The following MROH2A variants were observed in gnomAD, a reference collection of about 807,000 sequenced individuals.
MROH2A encodes the protein maestro heat-like repeat-containing protein family member 2A.
MROH2A carries 174 observed loss-of-function variants against 200.4 expected under a neutral mutation model. That is an observed-to-expected ratio of 0.87 (90% CI 0.77 to 0.98). The LOEUF (loss-of-function observed/expected upper bound fraction) is 0.98. Among genes scored for constraint, MROH2A ranks in the 50% least tolerant of loss-of-function variants. The pLI is 0.00. For missense variants in MROH2A, 2,045 were observed against 2,139.6 expected, an observed-to-expected ratio of 0.96 and a Z score of 0.87; for synonymous variants, 829 against 840.4, an observed-to-expected ratio of 0.99 and a Z score of 0.23.
At chr2:233,791,816 C>T (rs968176216) in intron 5 of MROH2A, among the ~76,000 whole-genome samples, 11 of 151,904 alleles carry the variant, frequency 7.2e-5, no homozygotes, top group South Asian at 2.1e-4. Flanking sequence ...AAGAGCTTCA[C>T]GGCTTGCTGG....
upstream of MROH2A, among the ~76,000 whole-genome samples, chr2:233,777,096 G>A (rs560447542): frequency 6.6e-6 from 1 of 152,178 alleles, no homozygotes; most frequent in African/African-American, 2.4e-5. Context: ...ACAGACCCAC[G>A]CAGGTGACTC....
chr2:233,819,235 T>TG (rs1703764535), intron 29 of MROH2A, 82 bp from the exon 30 acceptor site: 2 of 1,363,634 alleles, frequency 1.5e-6, no homozygotes, highest in Non-Finnish European at 2.0e-6. Flanking sequence ...AGTGGGGCCA[T>TG]GGGGTGGGAC....
intron 31 of MROH2A, among the ~76,000 whole-genome samples, chr2:233,821,459 A>G (rs1490112657): frequency 6.6e-6 from 1 of 152,218 alleles, no homozygotes; most frequent in Non-Finnish European, 1.5e-5. Flanking sequence ...GTGGGTTCCA[A>G]TAGTCAGTTT....
At chr2:233,830,901 T>TG (rs3064780) in intron 38 of MROH2A, among the ~76,000 whole-genome samples, 6 of 151,388 alleles carry the variant, frequency 4.0e-5, no homozygotes, top group Non-Finnish European at 7.4e-5. Context: ...TCCAGTGGGG[T>TG]GGGGGGGCTT....
chr2:233,826,168 C>T (rs1704295474), intron 35 of MROH2A, among the ~76,000 whole-genome samples: 1 of 152,048 alleles, frequency 6.6e-6, no homozygotes, highest in African/African-American at 2.4e-5. Flanking sequence ...TGTGATTTGC[C>T]CGCCTCGGCC....
intron 3 of MROH2A, among the ~76,000 whole-genome samples, chr2:233,785,762 G>A (rs1012014301): frequency 2.6e-4 from 40 of 152,238 alleles, no homozygotes; most frequent in Admixed American, 1.0e-3. Flanking sequence ...GTGGATAGTG[G>A]CCCAGAGTGT....
chr2:233,790,575 T>C (rs184882793), intron 5 of MROH2A, among the ~76,000 whole-genome samples: 15 of 10,894 alleles, frequency 1.4e-3, no homozygotes, highest in South Asian at 0.011. Flanking sequence ...CTTCCTTCCT[T>C]CCTCCCTCCC....
rs1180496640 is a variant in MROH2A at position 233,823,606 on chromosome 2, T to C, written c.4055T>C (p.Val1352Ala). ...EGHRQRLAEL[V>A]LRGMDSEVLS... is the part of the protein sequence containing the mutation. ...CACAGGCAGAGGCTGGCCGAGCTGG[T>C]GCTCAGGGGCATGGACTCAGAAGTC... is the stretch of plus-strand genomic sequence containing the variant. The change falls in exon 35 of 42, where the codon GTG becomes GCG. Residue 1352 changes from valine to alanine, a missense_variant. Around this residue, in one of 3 missense-constraint regions of MROH2A, gnomAD observed 1,201 missense variants for 1,311.3 expected, o/e 0.92. Coordinates refer to ENST00000389758, the MANE Select transcript of MROH2A (RefSeq NM_001394639.1). The C allele has an allele frequency of 1.3e-6, 2 of 1,550,274 alleles. No homozygotes were observed. The highest frequency in any genetic ancestry group is 1.7e-6 in the Non-Finnish European group (2 of 1,146,958).
intron 11 of MROH2A, 66 bp from the exon 12 acceptor site, chr2:233,798,708 T>A (rs1252619693): frequency 1.3e-5 from 16 of 1,185,430 alleles, no homozygotes; most frequent in Non-Finnish European, 2.0e-5. Flanking sequence ...GGCCCTGATG[T>A]GGGACGAGCC....
chr2:233,787,124 T>C (rs1395093184), intron 3 of MROH2A, among the ~76,000 whole-genome samples: 3 of 152,138 alleles, frequency 2.0e-5, no homozygotes, highest in African/African-American at 7.2e-5. Context: ...CAGTGATCGC[T>C]TTTGTTATTT....
At chr2:233,808,974 T>C (rs1258344440) in intron 21 of MROH2A, among the ~76,000 whole-genome samples, 152 bp from the exon 22 acceptor site, 1 of 152,088 alleles carries the variant, frequency 6.6e-6, no homozygotes, top group Non-Finnish European at 1.5e-5. Context: ...TGCATGAAAA[T>C]ACGATGAACA....
At chr2:233,818,493 C>G (rs1050190853) in intron 28 of MROH2A, among the ~76,000 whole-genome samples, 159 bp from the exon 29 acceptor site, 2 of 152,058 alleles carry the variant, frequency 1.3e-5, no homozygotes, top group Admixed American at 6.6e-5. Flanking sequence ...GAGGCCGCCA[C>G]AGGGAAGGAC....
intron 22 of MROH2A, 112 bp from the exon 23 acceptor site, chr2:233,810,682 C>A: frequency 7.3e-7 from 1 of 1,361,054 alleles, no homozygotes; most frequent in Non-Finnish European, 9.9e-7. Flanking sequence ...GAGCATTCAA[C>A]ATTAAACGCT....
At chr2:233,786,509 G>A (rs947760555) in intron 3 of MROH2A, among the ~76,000 whole-genome samples, 6 of 152,198 alleles carry the variant, frequency 3.9e-5, no homozygotes, top group Admixed American at 3.3e-4. Context: ...ATTACCTTTC[G>A]AAGGGCTCAT....
intron 3 of MROH2A, among the ~76,000 whole-genome samples, chr2:233,780,706 G>A (rs149404670): frequency 6.6e-6 from 1 of 152,182 alleles, no homozygotes; most frequent in East Asian, 1.9e-4. Context: ...ATCCAACACT[G>A]CAAACATTTA....
At chr2:233,776,678 C>T (rs912132613), upstream of MROH2A, among the ~76,000 whole-genome samples, 1 of 152,136 alleles carries the variant, frequency 6.6e-6, no homozygotes, top group Admixed American at 6.5e-5. Flanking sequence ...TACTTTTGGC[C>T]ATGGCTTACA....
In MROH2A at chr2:233,830,622, AGGTGGCCCAGGTGGGATGGCCCT is replaced by A. The variant is rs1327217486; in HGVS notation, c.4603-764_4603-742del. 8.3e-3 allele frequency among the ~76,000 whole-genome samples: 535 copies of A among 64,540 alleles called. 6 individuals are homozygous for A. Among genetic ancestry groups the A allele is most frequent in the African/African-American group, 0.018 (475 of 26,712 alleles). 42.3% of individuals were successfully genotyped at this position (64,540 alleles called of 152,430 possible). ...CTGGGTGGCCCAGGTGGGATGGCCC[AGGTGGCCCAGGTGGGATGGCCCT>A]GGTGGCCCAGGTGGGATGGCCCAGG... On this transcript the variant is annotated intron_variant, in intron 38 of 41. Transcript: ENST00000389758.
chr2:233,814,588 T>A lies in MROH2A; in HGVS notation c.2767T>A (p.Tyr923Asn), dbSNP rs1291928350. The A allele has an allele frequency of 2.6e-6, 4 of 1,550,226 alleles. No individual in the cohort carries two copies. In the Admixed American group the frequency reaches 7.8e-5, roughly 30 times the overall value. ...GEDNESIKTL[Y>N]ANALSSLEQL... ...CTCTCCCTCTTGGCTGTAGACCCTG[T>A]ATGCAAATGCCCTGAGCTCCCTGGA... The change falls in exon 26 of 42, where the codon TAT (tyrosine) becomes AAT (asparagine). Residue 923 changes from tyrosine to asparagine, a missense_variant. Tyr to Asn is a moderately radical substitution (Grantham distance 143, BLOSUM62 -2). Transcript: ENST00000389758.
chr2:233,831,592 T>G, intron 39 of MROH2A, 52 bp downstream of exon 39: 1 of 1,531,860 alleles, frequency 6.5e-7, no homozygotes, highest in Non-Finnish European at 8.8e-7. Flanking sequence ...ACACGCTGGC[T>G]TGGAGCTGGG....
Sources: gnomAD v4.1 joint callset for allele counts (sites outside exome capture counted in the v4.1 genomes callset) on GRCh38, gnomAD v4.1.1 for gene constraint, gnomAD v4.1.1 regional missense constraint, MANE v1.5 for transcripts, NCBI Gene and HGNC (gene_info 2026-07-23, HGNC 2026-07-21) for gene names.